Variants in C2CD3 observed in about 807,000 individuals in gnomAD.
C2CD3 encodes the protein C2 domain containing 3 centriole elongation regulator.
C2CD3 carries 148 observed loss-of-function variants against 234.0 expected under a neutral mutation model. The observed-to-expected ratio is 0.63, with a 90% CI of 0.55 to 0.72. The LOEUF is 0.72. Ranked by LOEUF, C2CD3 falls within the 30% of genes least tolerant of loss-of-function variation. The probability of loss-of-function intolerance (pLI) is 0.00; values close to 1 mark genes in which losing one functional copy is unlikely to be tolerated. For synonymous variants in C2CD3, 1,000 were observed against 1,035.4 expected (o/e 0.97, Z 0.66); for missense variants, 2,577 against 2,811.5 (o/e 0.92, Z 1.89).
chr11:74,134,210 T>C (rs1338264759), intron 5 of C2CD3, among the ~76,000 whole-genome samples: 1 of 152,180 alleles, frequency 6.6e-6, no homozygotes, highest in Non-Finnish European at 1.5e-5. Context: ...AGATAAAAAA[T>C]TGAGGCAGAG....
intron 24 of C2CD3, among the ~76,000 whole-genome samples, chr11:74,059,136 C>T (rs892359990): frequency 1.3e-5 from 2 of 152,140 alleles, no homozygotes; most frequent in African/African-American, 4.8e-5. Flanking sequence ...ACATAATCGA[C>T]ATGCTCCAGG....
intron 7 of C2CD3, among the ~76,000 whole-genome samples, chr11:74,131,330 A>G (rs543285383): frequency 1.1e-3 from 168 of 151,866 alleles, no homozygotes; most frequent in Non-Finnish European, 2.1e-3. Context: ...CTCAAAAAAA[A>G]AAAAAAACTA....
At chr11:74,026,242 G>A (rs1952293522) in intron 32 of C2CD3, among the ~76,000 whole-genome samples, 1 of 152,000 alleles carries the variant, frequency 6.6e-6, no homozygotes, top group Non-Finnish European at 1.5e-5. Flanking sequence ...AGGAGTTTGC[G>A]GGTGCAGGGA....
At chr11:74,099,136 A>G (rs184625119) in intron 15 of C2CD3, among the ~76,000 whole-genome samples, 8 of 152,342 alleles carry the variant, frequency 5.3e-5, no homozygotes, top group Non-Finnish European at 1.2e-4. Context: ...AACTAACATC[A>G]TAATTTAAGA....
intron 25 of C2CD3, among the ~76,000 whole-genome samples, chr11:74,056,870 C>T (rs1316512414): frequency 1.3e-5 from 2 of 151,700 alleles, no homozygotes; most frequent in Admixed American, 6.6e-5. Flanking sequence ...TGAGCTCTAC[C>T]AGCATCCCCT....
chr11:74,138,825 G>C lies in C2CD3; in HGVS notation c.850C>G (p.Leu284Val). ...TGAGGCTGGAATTCAGAACTGTTCA[G>C]AAGGGACATCTGCTTCCGTGGAGCT... Reference protein sequence around the residue: ...GRAPRKQMSLLNSSEFQPQIR... With the variant: ...GRAPRKQMSLVNSSEFQPQIR... Residue 284 changes from leucine (L) to valine (V), a missense_variant, in exon 5 of 33, where the codon CTG becomes GTG. Coordinates refer to ENST00000334126, the MANE Select transcript of C2CD3 (RefSeq NM_001286577.2). 1.9e-6 allele frequency: 3 copies of C among 1,613,968 alleles called. No individual in the cohort carries two copies. Among genetic ancestry groups the C allele is most frequent in the Non-Finnish European group, 2.5e-6 (3 of 1,179,842 alleles).
At position 74,106,501 on chromosome 11, in the gene C2CD3, A is replaced by G. The variant is rs1351478333; in HGVS notation, c.1963-8T>C. 1 of 1,612,634 alleles carries G rather than the reference A, an allele frequency of 6.2e-7. No homozygotes were observed. Among genetic ancestry groups the G allele is most frequent in the South Asian group, 1.1e-5 (1 of 90,882 alleles). On this transcript the variant is annotated splice_region_variant and splice_polypyrimidine_tract_variant and intron_variant, in intron 12 of 32. Transcript: ENST00000334126. ...AGATCCAATGACTTCTGGCTGAGAA[A>G]GAAGGAAAGAGAACATTTAGATTAA...
intron 3 of C2CD3, among the ~76,000 whole-genome samples, chr11:74,146,859 C>T (rs1194200502): frequency 5.9e-5 from 9 of 151,876 alleles, no homozygotes; most frequent in Non-Finnish European, 1.3e-4. Flanking sequence ...TCGAGACCAG[C>T]CTGGCCAACA....
intron 3 of C2CD3, among the ~76,000 whole-genome samples, chr11:74,156,824 A>G (rs1177047968): frequency 6.6e-6 from 1 of 152,196 alleles, no homozygotes; most frequent in Non-Finnish European, 1.5e-5. Flanking sequence ...TACAAAAATT[A>G]GCCGGGCATG....
intron 7 of C2CD3, among the ~76,000 whole-genome samples, chr11:74,127,968 T>C (rs1957473168): frequency 6.6e-6 from 1 of 152,076 alleles, no homozygotes; most frequent in South Asian, 2.1e-4. Context: ...GTTCATGCCA[T>C]TCTCCTGCCT....
chr11:74,158,479 T>C (rs1168586155), intron 3 of C2CD3, among the ~76,000 whole-genome samples: 1 of 152,046 alleles, frequency 6.6e-6, no homozygotes, highest in Non-Finnish European at 1.5e-5. Context: ...TCCCAGCACT[T>C]TGGGAGGCCA....
chr11:74,116,578 A>G (rs1956932497), intron 9 of C2CD3, among the ~76,000 whole-genome samples: 1 of 152,068 alleles, frequency 6.6e-6, no homozygotes, highest in South Asian at 2.1e-4. Context: ...CATTCCTTAA[A>G]GAACTAAAAG....
At chr11:74,096,862 T>C (rs1956126364) in intron 16 of C2CD3, among the ~76,000 whole-genome samples, 1 of 152,166 alleles carries the variant, frequency 6.6e-6, no homozygotes, top group South Asian at 2.1e-4. Flanking sequence ...AAGAAATAAC[T>C]GGCCAGGTGT....
rs919955426 is a variant in C2CD3 at position 74,170,838 on chromosome 11, C to T, written c.-46G>A. Reference sequence around the variant, plus strand: ...CACCAGCTCAACTCCGTCTCCAGCACCTAAGCAGTATCCTCCCGCCATCCC... The same window carrying T: ...CACCAGCTCAACTCCGTCTCCAGCATCTAAGCAGTATCCTCCCGCCATCCC... On this transcript the variant is annotated 5_prime_UTR_variant, in exon 1 of 33. The change creates a new upstream start codon in the 5' untranslated region. Coordinates refer to ENST00000334126, the MANE Select transcript of C2CD3 (RefSeq NM_001286577.2). The T allele has an allele frequency of 4.3e-6, 7 of 1,613,620 alleles. No homozygotes were observed. The African/African-American group carries it at 5.3e-5, about 12-fold the overall frequency.
chr11:74,118,133 T>C (rs1771554059), intron 9 of C2CD3, 95 bp downstream of exon 9: 3 of 838,948 alleles, frequency 3.6e-6, no homozygotes, highest in Admixed American at 4.7e-5. Flanking sequence ...ATCACTCTGA[T>C]GGTGCTGGGC....
intron 31 of C2CD3, 91 bp from the exon 32 acceptor site, chr11:74,028,489 C>A: frequency 2.6e-6 from 2 of 760,322 alleles, no homozygotes; most frequent in South Asian, 1.8e-5. Flanking sequence ...ACTCTGCCCC[C>A]ACTCATGTTT....
intron 9 of C2CD3, among the ~76,000 whole-genome samples, chr11:74,117,275 G>A (rs1445013409): frequency 7.9e-6 from 1 of 126,676 alleles, no homozygotes; most frequent in Non-Finnish European, 1.6e-5. Flanking sequence ...ACTCCAGCCT[G>A]GGCAACATAG....
At chr11:74,066,244 C>G (rs1200746103) in intron 24 of C2CD3, among the ~76,000 whole-genome samples, 2 of 18,854 alleles carry the variant, frequency 1.1e-4, no homozygotes, top group Non-Finnish European at 1.9e-4. Context: ...GGGACTTGAA[C>G]AATGAGAACA....
chr11:74,034,108 A>T lies in C2CD3; in HGVS notation c.6052T>A (p.Ser2018Thr). ...LVRAPDKGTD[S>T]PSPPPLEETS... ...TCTTCGAGAGGAGGGGGTGATGGGG[A>T]ATCTGTGCCTTTATCTGGAGCTCTT... Residue 2018 changes from serine (S) to threonine (T), a missense_variant, in exon 31 of 33, where the codon TCC becomes ACC. Coordinates refer to ENST00000334126, the MANE Select transcript of C2CD3 (RefSeq NM_001286577.2). 1.3e-6 allele frequency: 2 copies of T among 1,536,028 alleles called. No homozygotes were observed. Among genetic ancestry groups the T allele is most frequent in the Non-Finnish European group, 1.7e-6 (2 of 1,146,890 alleles).
Sources: gnomAD v4.1 joint callset for allele counts (sites outside exome capture counted in the v4.1 genomes callset) on GRCh38, gnomAD v4.1.1 for gene constraint, MANE v1.5 for transcripts, NCBI Gene and HGNC (gene_info 2026-07-23, HGNC 2026-07-21) for gene names.